Variants in TMEM131 observed in about 807,000 individuals in gnomAD.
TMEM131 encodes transmembrane protein 131.
Under a neutral mutation model 211.6 loss-of-function variants are expected in TMEM131, and 66 were observed. The ratio of observed to expected loss-of-function variants is 0.31; its 90% CI spans 0.26 to 0.38. The LOEUF is 0.38. TMEM131 is among the 10% of genes least tolerant of loss of function. TMEM131 has a pLI of 1.00. For missense variants in TMEM131, 2,036 were observed against 2,299.3 expected (o/e 0.89, Z 2.34); for synonymous variants, 844 against 841.3 (o/e 1.00, Z -0.06).
intron 33 of TMEM131, among the ~76,000 whole-genome samples, chr2:97,767,963 C>T (rs1679260090): frequency 6.6e-6 from 1 of 152,198 alleles, no homozygotes; most frequent in Admixed American, 6.5e-5. Context: ...ATAACACCCT[C>T]ATTCCCCAAC....
At chr2:97,886,588 T>TGTG (rs1675169037) in intron 4 of TMEM131, among the ~76,000 whole-genome samples, 1 of 152,158 alleles carries the variant, frequency 6.6e-6, no homozygotes, top group Admixed American at 6.5e-5. Flanking sequence ...TGAGAGAGTC[T>TGTG]GTGGTGGTAG....
In TMEM131 at chr2:97,757,032, T is replaced by C. The variant is rs1432925934; in HGVS notation, c.*67A>G. Reference sequence around the variant, plus strand: ...AGCTGCAGTAAGAGCCTTAAAAAGATGTCTCAGAAACTGGCACATCATGAT... The same window carrying C: ...AGCTGCAGTAAGAGCCTTAAAAAGACGTCTCAGAAACTGGCACATCATGAT... On this transcript the variant is annotated 3_prime_UTR_variant, in exon 41 of 41. Transcript: ENST00000186436. 42 of 1,483,870 alleles carry C rather than the reference T, an allele frequency of 2.8e-5. No individual in the cohort carries two copies. The highest frequency in any genetic ancestry group is 3.6e-5 in the Non-Finnish European group (40 of 1,114,826). The allele number at this position is 1,483,870 out of a possible 1,614,324, so 91.9% of individuals were successfully genotyped here.
chr2:97,816,259 T>C (rs1681823057), intron 12 of TMEM131, among the ~76,000 whole-genome samples: 1 of 152,126 alleles, frequency 6.6e-6, no homozygotes, highest in Non-Finnish European at 1.5e-5. Context: ...GAGAATCGCT[T>C]GAGCCTGGGA....
chr2:97,781,841 C>T (rs1445430840), intron 31 of TMEM131, among the ~76,000 whole-genome samples: 4 of 152,136 alleles, frequency 2.6e-5, no homozygotes, highest in Admixed American at 6.5e-5. Context: ...AATAAAGCCT[C>T]GACAAAAGCC....
At chr2:97,871,963 G>C (rs1339238380) in intron 4 of TMEM131, among the ~76,000 whole-genome samples, 1 of 151,556 alleles carries the variant, frequency 6.6e-6, no homozygotes, top group African/African-American at 2.4e-5. Context: ...GAGAATGGGA[G>C]GGGAGCCAGT....
Position 97,833,286 on chromosome 2 carries a change from G to T in TMEM131, c.1074+79C>A, listed in dbSNP as rs555257915. ...CAAATATAATTATTTTAGAATAAGGGTTTAATTATTTTTAACTTTGTCATA... is the reference window on the plus strand; with the variant it reads ...CAAATATAATTATTTTAGAATAAGGTTTTAATTATTTTTAACTTTGTCATA... On this transcript the variant is annotated intron_variant, in intron 11 of 40. Transcript: ENST00000186436. 325 of 705,580 alleles carry T rather than the reference G, an allele frequency of 4.6e-4. 1 individual carries two copies. Among genetic ancestry groups the T allele is most frequent in the South Asian group, 1.8e-3 (97 of 55,340 alleles). The allele number at this position is 705,580 out of a possible 1,614,324, so 43.7% of individuals were successfully genotyped here.
At chr2:97,765,999 G>T in intron 35 of TMEM131, 115 bp downstream of exon 35, 1 of 1,347,826 alleles carries the variant, frequency 7.4e-7, no homozygotes, top group Non-Finnish European at 1.0e-6. Flanking sequence ...CTCTTAGCTG[G>T]CAAAGCACTG....
rs369122127 is a variant in TMEM131, at chr2:97,806,386, C to T, written c.2056-683G>A. 1.1e-4 allele frequency among the ~76,000 whole-genome samples: 17 copies of T among 152,130 alleles called. No individual in the cohort carries two copies. The East Asian group carries it at 1.7e-3, about 16-fold the overall frequency. ...ACCCTGTTCCTGCTAAAAATACACA[C>T]GAAAAATTAGCAGGCATGGTGGCAC... On this transcript the variant is annotated intron_variant, in intron 19 of 40. Coordinates refer to ENST00000186436, the MANE Select transcript of TMEM131 (RefSeq NM_015348.2).
chr2:97,919,334 C>G (rs1240776498), intron 2 of TMEM131, among the ~76,000 whole-genome samples: 1 of 152,162 alleles, frequency 6.6e-6, no homozygotes, highest in Non-Finnish European at 1.5e-5. Flanking sequence ...CACAAATTTT[C>G]TGGTGACAAA....
chr2:97,806,853 T>A (rs539488668), intron 19 of TMEM131, among the ~76,000 whole-genome samples: 2 of 152,012 alleles, frequency 1.3e-5, no homozygotes, highest in Admixed American at 1.3e-4. Context: ...ACTGTGACAC[T>A]GAGGCCAGCG....
chr2:97,853,607 G>GA (rs565061872), intron 5 of TMEM131, among the ~76,000 whole-genome samples: 18,083 of 124,900 alleles, frequency 0.14, 1,453 homozygotes, highest in Non-Finnish European at 0.18. Context: ...CCCCGTCTTG[G>GA]AAAAAAAAAA....
At chr2:97,770,454 CTACAT>C (rs1331676576) in intron 33 of TMEM131, among the ~76,000 whole-genome samples, 1 of 152,180 alleles carries the variant, frequency 6.6e-6, no homozygotes, top group African/African-American at 2.4e-5. Flanking sequence ...TATCTTTTAA[CTACAT>C]ATTGAGAGAG....
At chr2:97,903,878 G>T (rs1675960824) in intron 3 of TMEM131, among the ~76,000 whole-genome samples, 2 of 151,934 alleles carry the variant, frequency 1.3e-5, no homozygotes, top group Admixed American at 1.3e-4. Context: ...GCCCAAGCTG[G>T]TCTCGAACTC....
chr2:97,791,660 T>C (rs116203973), intron 31 of TMEM131, among the ~76,000 whole-genome samples: 222 of 152,348 alleles, frequency 1.5e-3, no homozygotes, highest in African/African-American at 4.9e-3. Flanking sequence ...GTGAGGGCCA[T>C]GGGACCCCGC....
At chr2:97,919,671 A>T (rs918754478) in intron 2 of TMEM131, among the ~76,000 whole-genome samples, 1 of 152,122 alleles carries the variant, frequency 6.6e-6, no homozygotes. Flanking sequence ...CCCGGGTTCA[A>T]GCGATACTCC....
intron 1 of TMEM131, among the ~76,000 whole-genome samples, chr2:97,953,259 C>G (rs899721642): frequency 1.3e-5 from 2 of 152,128 alleles, no homozygotes; most frequent in Non-Finnish European, 2.9e-5. Flanking sequence ...GGCAAAGAGA[C>G]CTTAATGAAA....
intron 33 of TMEM131, among the ~76,000 whole-genome samples, chr2:97,769,726 A>G (rs1679376323): frequency 6.6e-6 from 1 of 152,262 alleles, no homozygotes; most frequent in African/African-American, 2.4e-5. Flanking sequence ...GTCCTAAACC[A>G]GGGATGCCCT....
chr2:97,919,656 C>T (rs755488199), intron 2 of TMEM131, among the ~76,000 whole-genome samples: 19 of 152,098 alleles, frequency 1.2e-4, no homozygotes, highest in Non-Finnish European at 2.4e-4. Flanking sequence ...CTGCAACCTC[C>T]GTCTCCCGGG....
intron 4 of TMEM131, among the ~76,000 whole-genome samples, chr2:97,861,989 C>T (rs147068706): frequency 2.0e-5 from 3 of 152,260 alleles, no homozygotes; most frequent in East Asian, 3.9e-4. Flanking sequence ...CACAGGGATG[C>T]TTTGTCATTC....
Sources: gnomAD v4.1 joint callset for allele counts (sites outside exome capture counted in the v4.1 genomes callset) on GRCh38, gnomAD v4.1.1 for gene constraint, MANE v1.5 for transcripts, NCBI Gene and HGNC (gene_info 2026-07-23, HGNC 2026-07-21) for gene names.